DDAH1: variants seen among roughly 807,000 people sequenced by gnomAD.
DDAH1 encodes dimethylarginine dimethylaminohydrolase 1.
In DDAH1, 19 loss-of-function variants were observed where a neutral mutation model predicts 28.8. The observed-to-expected ratio is 0.66, with a 90% CI of 0.46 to 0.97. The LOEUF (loss-of-function observed/expected upper bound fraction) is 0.97, where lower values mean the gene tolerates loss of function less well. DDAH1 is among the 50% of genes least tolerant of loss of function. DDAH1 has a pLI of 0.00. For missense variants in DDAH1, 326 were observed against 375.9 expected (o/e 0.87, Z 1.10); for synonymous variants, 153 against 154.4 (o/e 0.99, Z 0.07).
At chr1:85,559,335 T>G (rs1487292374) in intron 1 of DDAH1, among the ~76,000 whole-genome samples, 2 of 152,130 alleles carry the variant, frequency 1.3e-5, no homozygotes, top group African/African-American at 4.8e-5. Context: ...AGGCCTCGAA[T>G]GGGTCAAACT....
At chr1:85,400,177 C>CTTTTTTTTTTTTTTTTTTTT (rs61677601) in intron 1 of DDAH1, among the ~76,000 whole-genome samples, 1 of 54,946 alleles carries the variant, frequency 1.8e-5, no homozygotes, top group African/African-American at 5.4e-5. Flanking sequence ...CTTTTCTTTT[C>CTTTTTTTTTTTTTTTTTTTT]TTTTTTTTTT....
chr1:85,446,878 T>C (rs1025415772), intron 1 of DDAH1, among the ~76,000 whole-genome samples: 1 of 152,170 alleles, frequency 6.6e-6, no homozygotes, highest in African/African-American at 2.4e-5. Context: ...ACACTATTCC[T>C]GCAGCAACAG....
At chr1:85,450,149 A>G (rs1012137872) in intron 1 of DDAH1, among the ~76,000 whole-genome samples, 1 of 152,158 alleles carries the variant, frequency 6.6e-6, no homozygotes, top group Non-Finnish European at 1.5e-5. Context: ...GGTATTTTTA[A>G]TTACACATAT....
At chr1:85,419,789 A>G (rs575153402) in intron 1 of DDAH1, among the ~76,000 whole-genome samples, 17 of 152,200 alleles carry the variant, frequency 1.1e-4, no homozygotes, top group Non-Finnish European at 2.1e-4. Flanking sequence ...TTGAATCCTC[A>G]TGCCTCCCTA....
intron 1 of DDAH1, among the ~76,000 whole-genome samples, chr1:85,440,371 C>G (rs932273404): frequency 6.6e-6 from 1 of 152,154 alleles, no homozygotes; most frequent in African/African-American, 2.4e-5. Context: ...TTGCTATTAG[C>G]CTCTCTCCTC....
intron 2 of DDAH1, among the ~76,000 whole-genome samples, chr1:85,483,893 A>G (rs1202150499): frequency 6.6e-6 from 1 of 152,182 alleles, no homozygotes. Flanking sequence ...GCATATGATC[A>G]TATTTGATCG....
At chr1:85,475,348 AAAG>A (rs763519905) in intron 2 of DDAH1, among the ~76,000 whole-genome samples, 3 of 152,206 alleles carry the variant, frequency 2.0e-5, no homozygotes, top group African/African-American at 4.8e-5. Context: ...GAGGAGGGAA[AAAG>A]AAGAAGATAT....
At chr1:85,383,382 A>C (rs1472186291) in intron 1 of DDAH1, among the ~76,000 whole-genome samples, 5 of 152,238 alleles carry the variant, frequency 3.3e-5, no homozygotes, top group Admixed American at 6.5e-5. Flanking sequence ...GAATTGCTGC[A>C]ATCTCATGAT....
intron 1 of DDAH1, among the ~76,000 whole-genome samples, chr1:85,443,100 C>T (rs989685962): frequency 1.4e-4 from 21 of 152,276 alleles, no homozygotes; most frequent in African/African-American, 5.1e-4. Context: ...AAGTCCTTGC[C>T]TATGCCTATG....
chr1:85,392,733 C>T (rs1651612939), intron 1 of DDAH1, among the ~76,000 whole-genome samples: 1 of 146,222 alleles, frequency 6.8e-6, no homozygotes, highest in Admixed American at 7.1e-5. Flanking sequence ...TCAGAGGTTG[C>T]AGTGAGCCGA....
Position 85,361,022 on chromosome 1 carries a change from A to T in DDAH1, c.304-2175T>A, listed in dbSNP as rs570509378. On this transcript the variant is annotated intron_variant, in intron 1 of 5. Coordinates refer to ENST00000284031, the MANE Select transcript of DDAH1 (RefSeq NM_012137.4). ...AGTTAAGCACATGGACAAGATTTTT[A>T]AAAAATTGTAAATATCAAGTAAACA... Among the ~76,000 whole-genome samples, 296 of 152,372 alleles carry T rather than the reference A, an allele frequency of 1.9e-3. 1 individual carries two copies. Among genetic ancestry groups the T allele is most frequent in the African/African-American group, 6.7e-3 (277 of 41,588 alleles).
chr1:85,472,724 A>G (rs1202043395), intron 2 of DDAH1, among the ~76,000 whole-genome samples: 2 of 152,148 alleles, frequency 1.3e-5, no homozygotes, highest in Admixed American at 1.3e-4. Context: ...GTGTTGCTCC[A>G]AACTTTTTTT....
chr1:85,345,551 T>C (rs1341341804), intron 4 of DDAH1, among the ~76,000 whole-genome samples: 1 of 152,200 alleles, frequency 6.6e-6, no homozygotes, highest in Non-Finnish European at 1.5e-5. Context: ...AATGTCTTCC[T>C]TTCTTCTTTC....
At chr1:85,499,518 C>CA (rs1224036078) in intron 1 of DDAH1, among the ~76,000 whole-genome samples, 2 of 152,014 alleles carry the variant, frequency 1.3e-5, no homozygotes, top group African/African-American at 2.4e-5. Flanking sequence ...ACTAAAAATA[C>CA]AAAAAAATTA....
chr1:85,520,124 A>G (rs1657630935), intron 1 of DDAH1, among the ~76,000 whole-genome samples: 2 of 152,276 alleles, frequency 1.3e-5, no homozygotes, highest in African/African-American at 2.4e-5. Context: ...CTGAATCCCC[A>G]AAGTCCACTG....
chr1:85,333,751 GA>G (rs67529630), intron 4 of DDAH1, among the ~76,000 whole-genome samples: 24,929 of 149,844 alleles, frequency 0.17, 2,280 homozygotes, highest in Admixed American at 0.22. Flanking sequence ...TTAAAAAGAA[GA>G]AAAAAAAACA....
intron 1 of DDAH1, among the ~76,000 whole-genome samples, chr1:85,401,187 C>T (rs981945078): frequency 6.6e-6 from 1 of 152,216 alleles, no homozygotes; most frequent in Non-Finnish European, 1.5e-5. Context: ...TGCCTTGACA[C>T]AGTCTAGCAA....
At chr1:85,560,262 T>C (rs1659101299) in intron 1 of DDAH1, among the ~76,000 whole-genome samples, 1 of 151,972 alleles carries the variant, frequency 6.6e-6, no homozygotes, top group East Asian at 1.9e-4. Flanking sequence ...AAAAACTGTT[T>C]TAGAAAAATA....
chr1:85,415,268 C>T (rs1035087109), intron 1 of DDAH1, among the ~76,000 whole-genome samples: 1 of 152,104 alleles, frequency 6.6e-6, no homozygotes, highest in African/African-American at 2.4e-5. Context: ...CCCACCTTGG[C>T]CTCCCAAAGT....
Sources: gnomAD v4.1 joint callset for allele counts (sites outside exome capture counted in the v4.1 genomes callset) on GRCh38, gnomAD v4.1.1 for gene constraint, MANE v1.5 for transcripts, NCBI Gene and HGNC (gene_info 2026-07-23, HGNC 2026-07-21) for gene names.